ELAVL2: variants seen among roughly 807,000 people sequenced by gnomAD.
The protein encoded by ELAVL2 is ELAV like RNA binding protein 2, also known as ELAV-like protein 2.
A neutral mutation model predicts 34.6 loss-of-function variants in ELAVL2; 4 were observed. The observed-to-expected ratio is 0.12, with a 90% CI of 0.06 to 0.26. ELAVL2 has a LOEUF of 0.26. Among genes scored for constraint, ELAVL2 ranks in the 10% least tolerant of loss-of-function variants. ELAVL2 has a pLI of 1.00. For missense variants in ELAVL2, 432 were observed against 442.8 expected, an observed-to-expected ratio of 0.98 and a Z score of 0.22; for synonymous variants, 193 against 154.8, an observed-to-expected ratio of 1.25 and a Z score of -1.83.
intron 1 of ELAVL2, chr9:23,779,318 G>A (rs1421885543): frequency 2.0e-6 from 2 of 985,328 alleles, no homozygotes; most frequent in Middle Eastern, 5.2e-4. Context: ...TGGGCAGACA[G>A]AGGAACAAAG....
At chr9:23,787,729 A>G (rs1197855610) in intron 1 of ELAVL2, among the ~76,000 whole-genome samples, 1 of 152,070 alleles carries the variant, frequency 6.6e-6, no homozygotes, top group Non-Finnish European at 1.5e-5. Flanking sequence ...AATCTCTCCT[A>G]AGGGCCCAGA....
intron 3 of ELAVL2, among the ~76,000 whole-genome samples, chr9:23,721,929 T>C (rs1466029533): frequency 1.3e-5 from 2 of 152,204 alleles, no homozygotes; most frequent in Non-Finnish European, 2.9e-5. Context: ...AGGCTACTAG[T>C]AGTTAGGTTT....
chr9:23,757,752 A>G (rs75486539), intron 2 of ELAVL2, among the ~76,000 whole-genome samples: 3,635 of 152,186 alleles, frequency 0.024, 220 homozygotes, highest in Admixed American at 0.13. Context: ...GACCTGACAA[A>G]TAACATAATA....
intron 1 of ELAVL2, among the ~76,000 whole-genome samples, chr9:23,783,168 G>A (rs16907723): frequency 0.01 from 1,530 of 149,484 alleles, 28 homozygotes; most frequent in African/African-American, 0.035. Flanking sequence ...ACTCTCCGGA[G>A]GCGTGAAGTC....
At chr9:23,747,628 G>C (rs1474495831) in intron 2 of ELAVL2, among the ~76,000 whole-genome samples, 3 of 152,084 alleles carry the variant, frequency 2.0e-5, no homozygotes, top group Non-Finnish European at 4.4e-5. Context: ...GAGGCTTTTG[G>C]AAACTCCCTA....
intron 2 of ELAVL2, among the ~76,000 whole-genome samples, chr9:23,734,466 T>C (rs1441440576): frequency 6.6e-6 from 1 of 152,192 alleles, no homozygotes; most frequent in Admixed American, 6.5e-5. Flanking sequence ...AGTCAGGACT[T>C]GAAGTCAGGA....
At chr9:23,731,542 C>T (rs765192618) in intron 2 of ELAVL2, among the ~76,000 whole-genome samples, 1 of 152,174 alleles carries the variant, frequency 6.6e-6, no homozygotes, top group Non-Finnish European at 1.5e-5. Context: ...AACCAAGAAT[C>T]TGTCAGTGTT....
At chr9:23,778,827 C>G (rs925652362) in intron 1 of ELAVL2, among the ~76,000 whole-genome samples, 5 of 152,192 alleles carry the variant, frequency 3.3e-5, no homozygotes, top group Admixed American at 2.0e-4. Flanking sequence ...ACTAAACATC[C>G]TAATATGACT....
At chr9:23,850,182 T>A in the ELAVL2 span, among the ~76,000 whole-genome samples, 1 of 151,254 alleles carries the variant, frequency 6.6e-6, no homozygotes, top group African/African-American at 2.4e-5. Context: ...GGAGGGGAAA[T>A]TGATCCAAGC....
rs79100375 is a variant in ELAVL2, at chr9:23,739,861, T to C, written c.230-8736A>G. ...TACAGCTTCTTAATGTGTTTTTCTC[T>C]CTGTACAAGATCATTTTTTAACTCA... On this transcript the variant is annotated intron_variant, in intron 2 of 6. Coordinates refer to ENST00000397312, the MANE Select transcript of ELAVL2 (RefSeq NM_004432.5). Among the ~76,000 whole-genome samples the C allele has an allele frequency of 7.1e-3, 1,074 of 152,112 alleles. 8 individuals carry two copies. The highest frequency in any genetic ancestry group is 0.02 in the East Asian group (103 of 5,156).
At chr9:23,783,050 G>A (rs891719119) in intron 1 of ELAVL2, among the ~76,000 whole-genome samples, 1 of 152,142 alleles carries the variant, frequency 6.6e-6, no homozygotes, top group African/African-American at 2.4e-5. Flanking sequence ...TATTTGGCTA[G>A]AGTGAGAGCC....
chr9:23,741,466 G>A (rs1468064490), intron 2 of ELAVL2, among the ~76,000 whole-genome samples: 8 of 152,146 alleles, frequency 5.3e-5, no homozygotes, highest in Admixed American at 3.9e-4. Flanking sequence ...GGACCTCAGT[G>A]TTAGAAATCA....
chr9:23,790,614 T>A (rs1198949295), intron 1 of ELAVL2, among the ~76,000 whole-genome samples: 3 of 152,306 alleles, frequency 2.0e-5, no homozygotes, highest in Admixed American at 2.0e-4. Context: ...AAGGTTTGAC[T>A]CTCTGCTGAT....
intron 1 of ELAVL2, among the ~76,000 whole-genome samples, chr9:23,783,163 C>T (rs555206426): frequency 7.0e-6 from 1 of 143,728 alleles, no homozygotes; most frequent in African/African-American, 2.6e-5. Context: ...ACTCTACTCT[C>T]CGGAGGCGTG....
chr9:23,739,360 G>C (rs2048609391), intron 2 of ELAVL2, among the ~76,000 whole-genome samples: 2 of 152,082 alleles, frequency 1.3e-5, no homozygotes, highest in South Asian at 2.1e-4. Context: ...CTGCCACCAG[G>C]ATAGAGCAAA....
intron 4 of ELAVL2, among the ~76,000 whole-genome samples, chr9:23,702,770 T>A (rs891911628): frequency 1.3e-5 from 2 of 151,852 alleles, no homozygotes; most frequent in African/African-American, 4.8e-5. Context: ...GATGGCTGAA[T>A]AAGAAAATTG....
intron 1 of ELAVL2, among the ~76,000 whole-genome samples, chr9:23,788,961 G>GT (rs2060024162): frequency 1.3e-5 from 2 of 152,134 alleles, no homozygotes; most frequent in South Asian, 2.1e-4. Flanking sequence ...TTGACTGCAG[G>GT]TAACGGAAAT....
chr9:23,814,766 C>T (rs979898233), intron 1 of ELAVL2, among the ~76,000 whole-genome samples: 8 of 152,150 alleles, frequency 5.3e-5, no homozygotes, highest in African/African-American at 1.4e-4. Context: ...ATGACCCCCT[C>T]ACCTGCCATA....
At chr9:23,797,484 G>C (rs960610198) in intron 1 of ELAVL2, among the ~76,000 whole-genome samples, 6 of 152,216 alleles carry the variant, frequency 3.9e-5, no homozygotes, top group African/African-American at 1.4e-4. Flanking sequence ...CAGCTATTGG[G>C]AATTTAAAAC....
Sources: gnomAD v4.1 joint callset for allele counts (sites outside exome capture counted in the v4.1 genomes callset) on GRCh38, gnomAD v4.1.1 for gene constraint, MANE v1.5 for transcripts, NCBI Gene and HGNC (gene_info 2026-07-23, HGNC 2026-07-21) for gene names.